CTC1: variants seen among roughly 807,000 people sequenced by gnomAD.
CTC1 encodes CST complex subunit CTC1.
CTC1 carries 91 observed loss-of-function variants against 136.3 expected under a neutral mutation model. The observed-to-expected ratio is 0.67, with a 90% CI of 0.56 to 0.79. The LOEUF is 0.79. CTC1 is among the 30% of genes least tolerant of loss of function. The pLI, the probability that CTC1 is intolerant of heterozygous loss-of-function variation, is 0.00. For missense variants in CTC1, 1,432 were observed against 1,498.1 expected (o/e 0.96, Z 0.73); for synonymous variants, 606 against 613.8 (o/e 0.99, Z 0.19).
In CTC1 at chr17:8,228,042, A is replaced by C. The variant is rs1986866849; in HGVS notation, c.*138T>G. ...GCAGGCTGGCACCAGAACACCAAAG[A>C]AGGGAAATTATAGTGGAGTAGCAGT... On this transcript the variant is annotated 3_prime_UTR_variant, in exon 23 of 23. Coordinates refer to ENST00000651323, the MANE Select transcript of CTC1 (RefSeq NM_025099.6). The C allele has an allele frequency of 2.3e-6, 2 of 884,764 alleles. No individual in the cohort carries two copies. Among genetic ancestry groups the C allele is most frequent in the Admixed American group, 5.0e-5 (2 of 39,862 alleles). The allele number at this position is 884,764 out of a possible 1,614,324, so 54.8% of individuals were successfully genotyped here.
chr17:8,235,952 A>C lies in CTC1; in HGVS notation c.1085T>G (p.Val362Gly), dbSNP rs374867923. ...AGCGGGCTCATTCAACACGCCAGTGACTGCTCCCTGCAAACAGGCCGAGGT... is the reference window on the plus strand; with the variant it reads ...AGCGGGCTCATTCAACACGCCAGTGCCTGCTCCCTGCAAACAGGCCGAGGT... ...YSRLLSYSGA[V>G]TGVLNEPAGL... Residue 362 changes from valine to glycine, a missense_variant, in exon 7 of 23, where the codon GTC becomes GGC. Transcript: ENST00000651323. 4 of 1,605,418 alleles carry C rather than the reference A, an allele frequency of 2.5e-6. No homozygotes were observed. Among genetic ancestry groups the C allele is most frequent in the Non-Finnish European group, 3.4e-6 (4 of 1,173,190 alleles).
At chr17:8,242,551 A>ATAT (rs1491292811) in intron 2 of CTC1, among the ~76,000 whole-genome samples, 41 of 45,254 alleles carry the variant, frequency 9.1e-4, no homozygotes, top group African/African-American at 2.0e-3. Flanking sequence ...AAAAAAAAAA[A>ATAT]AAATATATAT....
rs1986495234 is a variant in CTC1, at chr17:8,224,820, C to T, written c.*3360G>A. 1 of 152,084 alleles carries T rather than the reference C, an allele frequency of 6.6e-6. No individual in the cohort carries two copies. The allele number at this position is 152,084 out of a possible 1,614,324, so 9.4% of individuals were successfully genotyped here. A position where few individuals can be genotyped will look rare whatever the true frequency, so the allele number is the denominator to read the frequency against. ...TTAATAACCAAGAACTAACAAACAG[C>T]TGATCATTCGTTTATTTTATTTCAT... On this transcript the variant is annotated 3_prime_UTR_variant, in exon 23 of 23. Transcript: ENST00000651323.
chr17:8,227,729 C>G lies in CTC1; in HGVS notation c.*451G>C, dbSNP rs755039235. The G allele has an allele frequency of 1.3e-5, 2 of 155,196 alleles. No individual in the cohort carries two copies. The highest frequency in any genetic ancestry group is 4.8e-5 in the African/African-American group (2 of 41,462). The allele number at this position is 155,196 out of a possible 1,614,324, so 9.6% of individuals were successfully genotyped here. A position where few individuals can be genotyped will look rare whatever the true frequency, so the allele number is the denominator to read the frequency against. On this transcript the variant is annotated 3_prime_UTR_variant, in exon 23 of 23. Coordinates refer to ENST00000651323, the MANE Select transcript of CTC1 (RefSeq NM_025099.6). ...CACCTTTGGCCCTGGCGGCAAAGGG[C>G]TGAAATGATGATGAACGACTAGGAG... is the stretch of plus-strand genomic sequence containing the variant.
rs558106405 is a variant in CTC1, at chr17:8,234,028, C to T, written c.1818+427G>A. Among the ~76,000 whole-genome samples, 19 of 152,224 alleles carry T rather than the reference C, an allele frequency of 1.2e-4. No individual in the cohort carries two copies. The East Asian group carries it at 3.1e-3, about 25-fold the overall frequency. On this transcript the variant is annotated intron_variant, in intron 10 of 22. Transcript: ENST00000651323. ...TTTCCTGAGTCTTGCTCTGTTGCCCCGGCTGGAGTGCAGTGGTGTGATCTT... is the reference window on the plus strand; with the variant it reads ...TTTCCTGAGTCTTGCTCTGTTGCCCTGGCTGGAGTGCAGTGGTGTGATCTT...
intron 20 of CTC1, 58 bp from the exon 21 acceptor site, chr17:8,228,950 G>A: frequency 1.3e-6 from 2 of 1,557,504 alleles, no homozygotes; most frequent in Non-Finnish European, 1.7e-6. Flanking sequence ...CCAACACCCT[G>A]GACCCAACAT....
intron 5 of CTC1, 33 bp downstream of exon 5, chr17:8,237,342 C>A (rs367813847): frequency 1.2e-6 from 2 of 1,613,134 alleles, no homozygotes; most frequent in South Asian, 1.1e-5. Context: ...CACCCTCCCC[C>A]ACTTCCATGG....
intron 4 of CTC1, among the ~76,000 whole-genome samples, 198 bp downstream of exon 4, chr17:8,237,833 C>T (rs2151529433): frequency 6.6e-6 from 1 of 152,228 alleles, no homozygotes; most frequent in South Asian, 2.1e-4. Context: ...CTTCAAAATT[C>T]TCTTTCCCTT....
rs776408496 is a variant in CTC1 at position 8,236,109 on chromosome 17, G to T, written c.1026C>A (p.Asp342Glu). 2 of 1,614,178 alleles carry T rather than the reference G, an allele frequency of 1.2e-6. No homozygotes were observed. The highest frequency in any genetic ancestry group is 1.7e-6 in the Non-Finnish European group (2 of 1,180,040). The change falls in exon 6 of 23, where the codon GAC becomes GAA. Residue 342 changes from aspartate to glutamate, a missense_variant. By Grantham distance (45) the Asp-to-Glu change is conservative. Transcript: ENST00000651323. ...KPLPMPSNSE[D>E]KKDPESLVRY... is the part of the protein sequence containing the mutation. ...GGACAAGACTTTCTGGATCCTTCTT[G>T]TCCTCCGAGTTGCTGGGCATGGGGA...
chr17:8,240,430 A>G (rs1393292161), intron 2 of CTC1, among the ~76,000 whole-genome samples: 1 of 149,062 alleles, frequency 6.7e-6, no homozygotes, highest in African/African-American at 2.6e-5. Flanking sequence ...CTAGGATTAC[A>G]GGCGTGAGCC....
intron 14 of CTC1, 65 bp from the exon 15 acceptor site, chr17:8,231,534 C>T (rs2151507542): frequency 2.1e-6 from 3 of 1,457,238 alleles, no homozygotes; most frequent in Non-Finnish European, 2.8e-6. Flanking sequence ...GTTCACAAAA[C>T]ATTCTGACCC....
intron 7 of CTC1, among the ~76,000 whole-genome samples, 155 bp downstream of exon 7, chr17:8,235,676 A>G (rs1157609646): frequency 1.3e-5 from 2 of 152,192 alleles, no homozygotes; most frequent in African/African-American, 2.4e-5. Flanking sequence ...TTTTTATTTA[A>G]GCTTCTGTCC....
rs772609095 is a variant in CTC1 at position 8,229,446 on chromosome 17, G to T, written c.3012C>A (p.Ser1004Arg). The change falls in exon 19 of 23, where the codon AGC becomes AGA. Residue 1004 changes from serine to arginine, a missense_variant and splice_region_variant. Transcript: ENST00000651323. ...VLSFPPETTI[S>R]IPLPHIYLAE... Reference sequence around the variant, plus strand: ...CCAGGTAGATGTGGGGCAGGGGAATGCTAAATAAATACAGGGAGACAGAGA... The same window carrying T: ...CCAGGTAGATGTGGGGCAGGGGAATTCTAAATAAATACAGGGAGACAGAGA... 1 of 1,611,476 alleles carries T rather than the reference G, an allele frequency of 6.2e-7. No individual in the cohort carries two copies.
At chr17:8,228,415 G>C (rs1250300926) in intron 22 of CTC1, 88 bp downstream of exon 22, 1 of 1,609,318 alleles carries the variant, frequency 6.2e-7, no homozygotes, top group Non-Finnish European at 8.5e-7. Flanking sequence ...TTCCCCATCA[G>C]TCCCTCATCC....
chr17:8,242,715 T>C (rs1988377411), intron 2 of CTC1, among the ~76,000 whole-genome samples: 1 of 151,830 alleles, frequency 6.6e-6, no homozygotes. Context: ...CACCAGCCTC[T>C]TTCCCCACTT....
chr17:8,243,737 T>C (rs1988464952), intron 1 of CTC1, among the ~76,000 whole-genome samples: 1 of 152,104 alleles, frequency 6.6e-6, no homozygotes, highest in South Asian at 2.1e-4. Flanking sequence ...AGACCAAGAA[T>C]GGACAAAAAC....
chr17:8,230,169 G>A lies in CTC1; in HGVS notation c.2933+125C>T, dbSNP rs1987090243. ...TGAGGGTACTGGCTGGGCACAAATG[G>A]CAGACTGATATATGGAAACCTGTAT... On this transcript the variant is annotated intron_variant, in intron 17 of 22. Transcript: ENST00000651323. The A allele has an allele frequency of 5.5e-6, 6 of 1,083,188 alleles. No homozygotes were observed. The East Asian group carries it at 1.0e-4, about 18-fold the overall frequency. 67.1% of individuals were successfully genotyped at this position (1,083,188 alleles called of 1,614,324 possible).
At chr17:8,242,550 A>AT (rs1988344427) in intron 2 of CTC1, among the ~76,000 whole-genome samples, 13 of 54,722 alleles carry the variant, frequency 2.4e-4, no homozygotes, top group African/African-American at 6.2e-4. Context: ...AAAAAAAAAA[A>AT]AAAATATATA....
intron 2 of CTC1, among the ~76,000 whole-genome samples, chr17:8,241,972 G>A (rs1988260909): frequency 6.6e-6 from 1 of 151,654 alleles, no homozygotes; most frequent in South Asian, 2.1e-4. Flanking sequence ...TGCATGTGTA[G>A]TAAAACTATT....
Sources: gnomAD v4.1 joint callset for allele counts (sites outside exome capture counted in the v4.1 genomes callset) on GRCh38, gnomAD v4.1.1 for gene constraint, MANE v1.5 for transcripts, NCBI Gene and HGNC (gene_info 2026-07-23, HGNC 2026-07-21) for gene names.